SPAG6: variants seen among roughly 807,000 people sequenced by gnomAD.
The protein encoded by SPAG6 is sperm associated antigen 6.
Under a neutral mutation model 58.5 loss-of-function variants are expected in SPAG6, and 49 were observed. That is an observed-to-expected ratio of 0.84 (90% CI 0.67 to 1.06). The LOEUF is 1.06. Ranked by LOEUF, SPAG6 falls within the 50% of genes least tolerant of loss-of-function variation. The pLI is 0.00. For missense variants in SPAG6, 560 were observed against 611.3 expected (o/e 0.92, Z 0.89); for synonymous variants, 233 against 225.6 (o/e 1.03, Z -0.29).
chr10:22,362,390 T>G (rs1366826672), intron 2 of SPAG6, among the ~76,000 whole-genome samples: 1 of 151,840 alleles, frequency 6.6e-6, no homozygotes, highest in African/African-American at 2.4e-5. Context: ...AAATTTAGCT[T>G]TTCTTTTTTA....
chr10:22,383,250 A>G (rs1348604771), intron 4 of SPAG6, among the ~76,000 whole-genome samples: 1 of 152,224 alleles, frequency 6.6e-6, no homozygotes, highest in Admixed American at 6.5e-5. Context: ...GTTTGAGTTT[A>G]AAATGAACTT....
Position 22,411,110 on chromosome 10 carries a change from A to T in SPAG6, c.1394A>T (p.Glu465Val). ...GLKKVQEIKA[E>V]PGSLLQEYIN... Reference sequence around the variant, plus strand: ...AAAAAAGTTCAAGAGATAAAAGCAGAACCTGGTTCTCTCCTTCAAGAATAC... The same window carrying T: ...AAAAAAGTTCAAGAGATAAAAGCAGTACCTGGTTCTCTCCTTCAAGAATAC... Residue 465 changes from glutamate (E) to valine (V), a missense_variant, in exon 10 of 11, where the codon GAA becomes GTA. Physicochemically the swap from Glu to Val is moderately radical, Grantham distance 121. Transcript: ENST00000376624. 6.2e-7 allele frequency: 1 copy of T among 1,614,096 alleles called. No individual in the cohort carries two copies. Among genetic ancestry groups the T allele is most frequent in the Non-Finnish European group, 8.5e-7 (1 of 1,179,924 alleles).
At chr10:22,385,971 T>C (rs2132079312) in intron 4 of SPAG6, among the ~76,000 whole-genome samples, 1 of 152,322 alleles carries the variant, frequency 6.6e-6, no homozygotes, top group East Asian at 1.9e-4. Flanking sequence ...GGCAGTTTTT[T>C]CATGATATTA....
intron 4 of SPAG6, among the ~76,000 whole-genome samples, chr10:22,378,037 CT>C (rs1392220884): frequency 1.5e-5 from 2 of 134,974 alleles, no homozygotes; most frequent in Admixed American, 7.3e-5. Flanking sequence ...AAGTACAGAT[CT>C]TTTTTTCTTT....
intron 9 of SPAG6, among the ~76,000 whole-genome samples, chr10:22,401,798 A>G (rs1834420754): frequency 6.6e-6 from 1 of 152,184 alleles, no homozygotes; most frequent in Non-Finnish European, 1.5e-5. Context: ...AAATGGTAGT[A>G]AGGTAGAAAG....
At chr10:22,402,996 C>A (rs576741368) in intron 9 of SPAG6, among the ~76,000 whole-genome samples, 1 of 152,104 alleles carries the variant, frequency 6.6e-6, no homozygotes, top group African/African-American at 2.4e-5. Context: ...TGAAAGTAAA[C>A]ACTAACCTAC....
At chr10:22,353,254 C>T (rs1488559551) in intron 2 of SPAG6, among the ~76,000 whole-genome samples, 5 of 152,208 alleles carry the variant, frequency 3.3e-5, no homozygotes, top group African/African-American at 4.8e-5. Flanking sequence ...CTTTGTGCTG[C>T]CCCATTCCTG....
intron 5 of SPAG6, among the ~76,000 whole-genome samples, 184 bp downstream of exon 5, chr10:22,387,143 T>C (rs1238289335): frequency 1.3e-5 from 2 of 152,184 alleles, no homozygotes; most frequent in South Asian, 2.1e-4. Flanking sequence ...TAGATAAAGA[T>C]GTGATTGGGG....
At chr10:22,381,418 A>G (rs1833953087) in intron 4 of SPAG6, among the ~76,000 whole-genome samples, 1 of 151,696 alleles carries the variant, frequency 6.6e-6, no homozygotes, top group Admixed American at 6.6e-5. Context: ...CTATATTCCT[A>G]CATAGCAACA....
At chr10:22,352,887 G>C (rs931880184) in intron 2 of SPAG6, among the ~76,000 whole-genome samples, 2 of 152,130 alleles carry the variant, frequency 1.3e-5, no homozygotes, top group African/African-American at 4.8e-5. Context: ...GGAAAAAAAA[G>C]TTCCTGCTTA....
intron 4 of SPAG6, among the ~76,000 whole-genome samples, chr10:22,385,820 G>A (rs1040595632): frequency 6.6e-6 from 1 of 152,198 alleles, no homozygotes; most frequent in South Asian, 2.1e-4. Flanking sequence ...TATAACTAAG[G>A]CACTACACAT....
At chr10:22,363,544 T>A (rs1257981121) in intron 2 of SPAG6, among the ~76,000 whole-genome samples, 1 of 152,188 alleles carries the variant, frequency 6.6e-6, no homozygotes, top group Non-Finnish European at 1.5e-5. Flanking sequence ...AACTAATGAC[T>A]AAGTAAAACC....
chr10:22,412,144 C>T (rs777363960), intron 10 of SPAG6, among the ~76,000 whole-genome samples: 4 of 152,018 alleles, frequency 2.6e-5, no homozygotes, highest in African/African-American at 9.7e-5. Context: ...CCACCGCGAC[C>T]GCCCGGCCAA....
intron 4 of SPAG6, among the ~76,000 whole-genome samples, chr10:22,377,150 A>G (rs1256843394): frequency 1.3e-5 from 2 of 152,066 alleles, no homozygotes; most frequent in African/African-American, 2.4e-5. Flanking sequence ...TTACGTGGAC[A>G]CTTAGGTGGC....
At chr10:22,351,396 A>T (rs543418443) in intron 2 of SPAG6, among the ~76,000 whole-genome samples, 1 of 152,320 alleles carries the variant, frequency 6.6e-6, no homozygotes, top group Admixed American at 6.5e-5. Context: ...GAACCGAGGT[A>T]GTCCTGCAGA....
At chr10:22,359,387 A>T in intron 2 of SPAG6, 1 of 342,398 alleles carries the variant, frequency 2.9e-6, no homozygotes, top group African/African-American at 2.2e-5. Flanking sequence ...AACATATTTT[A>T]TAAATTTATG....
At position 22,391,903 on chromosome 10, in the gene SPAG6, G is replaced by C. The variant is rs911704552; in HGVS notation, c.1180G>C (p.Glu394Gln). The change falls in exon 8 of 11, where the codon GAG (glutamate) becomes CAG (glutamine). Residue 394 changes from glutamate to glutamine, a missense_variant. Physicochemically the swap from Glu to Gln is conservative, Grantham distance 29. Coordinates refer to ENST00000376624, the MANE Select transcript of SPAG6 (RefSeq NM_012443.4). ...LSLYMSTESSEDLQVKSKKAI... is the reference protein window; with the variant it reads ...LSLYMSTESSQDLQVKSKKAI... ...TTTGTACATGTCAACAGAAAGTTCT[G>C]AGGATCTCCAAGTAAAAGTAAGTGC... 31 of 1,611,754 alleles carry C rather than the reference G, an allele frequency of 1.9e-5. No individual in the cohort carries two copies. The highest frequency in any genetic ancestry group is 2.6e-5 in the Non-Finnish European group (31 of 1,179,022).
chr10:22,355,049 T>G (rs1368549480), intron 2 of SPAG6, among the ~76,000 whole-genome samples: 1 of 151,468 alleles, frequency 6.6e-6, no homozygotes, highest in Non-Finnish European at 1.5e-5. Context: ...TAAATTTTGG[T>G]TTCATACAGT....
chr10:22,353,939 G>A (rs560981563), intron 2 of SPAG6, among the ~76,000 whole-genome samples: 20 of 152,308 alleles, frequency 1.3e-4, no homozygotes, highest in African/African-American at 4.8e-4. Flanking sequence ...CAAGAGAAAA[G>A]GTGGTACTCA....
Sources: allele counts gnomAD v4.1 joint callset (sites outside exome capture counted in the v4.1 genomes callset), GRCh38; gene constraint gnomAD v4.1.1; transcripts MANE v1.5; gene names NCBI Gene and HGNC (gene_info 2026-07-23, HGNC 2026-07-21).